KDM4C: variants seen among roughly 807,000 people sequenced by gnomAD.
KDM4C encodes lysine demethylase 4C.
In KDM4C, 81 loss-of-function variants were observed where a neutral mutation model predicts 129.3. That is an observed-to-expected ratio of 0.63 (90% CI 0.52 to 0.75). The LOEUF is 0.75. KDM4C is among the 30% of genes least tolerant of loss of function. The pLI is 0.00. For missense variants in KDM4C, 1,457 were observed against 1,304.0 expected, an observed-to-expected ratio of 1.12 and a Z score of -1.81; for synonymous variants, 573 against 456.1, an observed-to-expected ratio of 1.26 and a Z score of -3.26.
chr9:6,917,862 A>G (rs1421375373), intron 8 of KDM4C, among the ~76,000 whole-genome samples: 1 of 152,180 alleles, frequency 6.6e-6, no homozygotes, highest in African/African-American at 2.4e-5. Context: ...CCACTTGTGC[A>G]CTTGACCCCA....
At chr9:7,054,169 T>C (rs1830568995) in intron 17 of KDM4C, among the ~76,000 whole-genome samples, 1 of 152,224 alleles carries the variant, frequency 6.6e-6, no homozygotes, top group African/African-American at 2.4e-5. Context: ...TGTAGGATAA[T>C]AGGAGGCTAC....
intron 19 of KDM4C, among the ~76,000 whole-genome samples, chr9:7,161,885 A>G (rs1843837396): frequency 6.6e-6 from 1 of 152,238 alleles, no homozygotes; most frequent in South Asian, 2.1e-4. Context: ...CCACATAGTC[A>G]TAGGAAGTTG....
chr9:7,127,330 A>G (rs1312491314), intron 18 of KDM4C, among the ~76,000 whole-genome samples: 2 of 152,204 alleles, frequency 1.3e-5, no homozygotes, highest in Non-Finnish European at 2.9e-5. Context: ...CTATACTTTG[A>G]TCAGGATCAA....
At chr9:6,863,119 A>C (rs1841266091) in intron 5 of KDM4C, among the ~76,000 whole-genome samples, 1 of 152,244 alleles carries the variant, frequency 6.6e-6, no homozygotes, top group African/African-American at 2.4e-5. Flanking sequence ...CAACGTATAC[A>C]GAAAAGAATA....
chr9:7,041,543 A>AC (rs1828608223), intron 15 of KDM4C, among the ~76,000 whole-genome samples: 1 of 150,828 alleles, frequency 6.6e-6, no homozygotes, highest in Admixed American at 6.6e-5. Context: ...ATCATAAATG[A>AC]TTTTTTTTTG....
chr9:7,006,086 A>G (rs946937232), intron 12 of KDM4C, among the ~76,000 whole-genome samples: 5 of 152,260 alleles, frequency 3.3e-5, no homozygotes, highest in Admixed American at 1.3e-4. Flanking sequence ...TGAAATAAAC[A>G]CTGTATGTTT....
chr9:7,084,194 A>G (rs1022521146), intron 17 of KDM4C, among the ~76,000 whole-genome samples: 1 of 152,162 alleles, frequency 6.6e-6, no homozygotes, highest in South Asian at 2.1e-4. Flanking sequence ...GACCTGTGCC[A>G]CTACTCAGCT....
At chr9:6,930,870 T>TA in intron 8 of KDM4C, among the ~76,000 whole-genome samples, 1 of 152,080 alleles carries the variant, frequency 6.6e-6, no homozygotes, top group East Asian at 1.9e-4. Flanking sequence ...ACATGAGAAA[T>TA]ACCTGGGGAA....
chr9:6,968,131 AAAGT>A (rs1183792176), intron 8 of KDM4C, among the ~76,000 whole-genome samples: 3 of 152,162 alleles, frequency 2.0e-5, no homozygotes, highest in African/African-American at 7.2e-5. Flanking sequence ...AAATTTTTCA[AAAGT>A]AAGAACTAAG....
intron 18 of KDM4C, among the ~76,000 whole-genome samples, chr9:7,111,229 G>T (rs896348622): frequency 6.6e-6 from 1 of 152,044 alleles, no homozygotes; most frequent in Non-Finnish European, 1.5e-5. Flanking sequence ...CCCATTCATG[G>T]TAGGTATAGG....
chr9:7,132,726 C>G (rs549392693), intron 19 of KDM4C, among the ~76,000 whole-genome samples: 1 of 152,278 alleles, frequency 6.6e-6, no homozygotes, highest in East Asian at 1.9e-4. Flanking sequence ...TAGCCTCTGC[C>G]AAAACCTGGG....
rs147311031 is a variant in KDM4C at position 6,846,507 on chromosome 9, G to T, written c.436-3000G>T. ...TTGGAGTCAGATAGCTAGTTTAATA[G>T]TAGAGAACAAAAATTGGAGAAAGAA... On this transcript the variant is annotated intron_variant, in intron 4 of 21. Transcript: ENST00000381309. Among the ~76,000 whole-genome samples, 150 of 152,202 alleles carry T rather than the reference G, an allele frequency of 9.9e-4. 1 individual carries two copies. Among genetic ancestry groups the T allele is most frequent in the African/African-American group, 3.3e-3 (139 of 41,544 alleles).
chr9:6,867,043 A>G (rs922568826), intron 5 of KDM4C, among the ~76,000 whole-genome samples: 5 of 139,852 alleles, frequency 3.6e-5, no homozygotes, highest in Admixed American at 7.4e-5. Context: ...GGAAGATGGA[A>G]TCTTGCTCTG....
intron 8 of KDM4C, among the ~76,000 whole-genome samples, chr9:6,963,405 G>A (rs976983577): frequency 3.2e-4 from 48 of 152,204 alleles, no homozygotes; most frequent in Admixed American, 3.0e-3. Context: ...TCCTCTTACA[G>A]GAAGCCCAGA....
At chr9:6,883,909 C>T (rs1343090374) in intron 6 of KDM4C, among the ~76,000 whole-genome samples, 2 of 151,994 alleles carry the variant, frequency 1.3e-5, no homozygotes, top group Non-Finnish European at 2.9e-5. Flanking sequence ...TAAGTGGTCT[C>T]AGGAATGCAG....
chr9:7,074,598 C>T (rs1038557369), intron 17 of KDM4C, among the ~76,000 whole-genome samples: 4 of 152,276 alleles, frequency 2.6e-5, no homozygotes, highest in South Asian at 2.1e-4. Context: ...ATCAAGTCCA[C>T]GTGACTGTCT....
At chr9:7,019,532 A>T (rs1292153954) in intron 15 of KDM4C, among the ~76,000 whole-genome samples, 1 of 151,522 alleles carries the variant, frequency 6.6e-6, no homozygotes, top group Non-Finnish European at 1.5e-5. Context: ...TCAGTTTGAG[A>T]CACGTGATTA....
chr9:7,130,475 G>T (rs7033490), intron 19 of KDM4C, among the ~76,000 whole-genome samples: 97,230 of 152,030 alleles, frequency 0.64, 31,316 homozygotes, highest in Admixed American at 0.7. Flanking sequence ...ATGATTTTAA[G>T]TACACTTGAG....
At chr9:6,750,598 T>G (rs1240601160) in intron 1 of KDM4C, among the ~76,000 whole-genome samples, 1 of 152,168 alleles carries the variant, frequency 6.6e-6, no homozygotes, top group Non-Finnish European at 1.5e-5. Flanking sequence ...ATCTCTTGAT[T>G]ATAAAAACGA....
Sources: gnomAD v4.1 joint callset for allele counts (sites outside exome capture counted in the v4.1 genomes callset) on GRCh38, gnomAD v4.1.1 for gene constraint, MANE v1.5 for transcripts, NCBI Gene and HGNC (gene_info 2026-07-23, HGNC 2026-07-21) for gene names.